Variants in SMIM35 observed in about 807,000 individuals in gnomAD.
The protein encoded by SMIM35 is TMPRSS4 antisense RNA 1 (non-protein coding).
intron 4 of SMIM35, among the ~76,000 whole-genome samples, chr11:118,008,776 A>G (rs1172445376): frequency 6.6e-6 from 1 of 152,244 alleles, no homozygotes; most frequent in Non-Finnish European, 1.5e-5. Context: ...GGCCAGAGCC[A>G]TGCAAAGTAC....
At chr11:118,076,696 T>C (rs995883309) in intron 1 of SMIM35, among the ~76,000 whole-genome samples, 5 of 152,104 alleles carry the variant, frequency 3.3e-5, no homozygotes, top group African/African-American at 4.8e-5. Flanking sequence ...CCAATCCTAT[T>C]GCTCCACACC....
intron 1 of SMIM35, among the ~76,000 whole-genome samples, chr11:118,034,502 A>T (rs11216715): frequency 0.04 from 6,040 of 152,080 alleles, 204 homozygotes; most frequent in East Asian, 0.19. Flanking sequence ...GCAGGCAGAT[A>T]GCTTGAGCTC....
At chr11:118,022,115 C>T (rs952195812) in intron 1 of SMIM35, among the ~76,000 whole-genome samples, 2 of 147,406 alleles carry the variant, frequency 1.4e-5, no homozygotes, top group Non-Finnish European at 3.0e-5. Flanking sequence ...TCTCAGCTCA[C>T]AACAACCTCC....
At chr11:118,058,958 G>A (rs1184535201) in intron 1 of SMIM35, among the ~76,000 whole-genome samples, 5 of 152,318 alleles carry the variant, frequency 3.3e-5, no homozygotes, top group South Asian at 2.1e-4. Flanking sequence ...CATCAGAAAC[G>A]TCCCCAGAGC....
intron 1 of SMIM35, among the ~76,000 whole-genome samples, chr11:118,060,645 T>C (rs1255209634): frequency 1.3e-5 from 2 of 152,068 alleles, no homozygotes; most frequent in Non-Finnish European, 2.9e-5. Flanking sequence ...CCCGGGGGTC[T>C]GGGAGAGCAA....
At chr11:118,009,626 G>A (rs915941993) in intron 4 of SMIM35, among the ~76,000 whole-genome samples, 28 of 151,294 alleles carry the variant, frequency 1.9e-4, no homozygotes, top group Non-Finnish European at 2.8e-4. Flanking sequence ...TCCTAAATTA[G>A]AAAGATATAT....
chr11:118,038,239 G>A (rs1011728660), intron 1 of SMIM35, among the ~76,000 whole-genome samples: 2 of 152,228 alleles, frequency 1.3e-5, no homozygotes, highest in African/African-American at 4.8e-5. Flanking sequence ...CCCTCTTTGT[G>A]TTGGGCAGTG....
chr11:118,043,599 A>G (rs1944040620), intron 1 of SMIM35, among the ~76,000 whole-genome samples: 5 of 152,052 alleles, frequency 3.3e-5, no homozygotes, highest in Admixed American at 1.3e-4. Context: ...ACACGAGGTC[A>G]GGATTTCAAG....
At chr11:118,067,259 T>G (rs934269650) in intron 1 of SMIM35, 5 of 152,262 alleles carry the variant, frequency 3.3e-5, no homozygotes, top group African/African-American at 1.2e-4. Flanking sequence ...GGCACGTGCC[T>G]GTAGTCACAG....
intron 1 of SMIM35, among the ~76,000 whole-genome samples, chr11:118,060,133 G>A (rs193180784): frequency 5.1e-4 from 78 of 152,200 alleles, no homozygotes; most frequent in African/African-American, 1.6e-3. Flanking sequence ...CCCAATTCCC[G>A]CGCTCTAGGG....
rs183425590 is a variant in SMIM35, at chr11:118,083,598, C to G, written c.7+3153G>C. On this transcript the variant is annotated intron_variant, in intron 1 of 4. Coordinates refer to ENST00000689828, the MANE Select transcript of SMIM35 (RefSeq NM_001394165.1). ...TACTATGTCATGAACTTCCCAAGTTCTATTTTAATATTGTTATTAATAACT... is the reference window on the plus strand; with the variant it reads ...TACTATGTCATGAACTTCCCAAGTTGTATTTTAATATTGTTATTAATAACT... Among the ~76,000 whole-genome samples, 333 of 152,250 alleles carry G rather than the reference C, an allele frequency of 2.2e-3. 1 individual carries two copies. The highest frequency in any genetic ancestry group is 7.5e-3 in the African/African-American group (311 of 41,532).
At chr11:118,053,307 A>AACACACACACACAC (rs57912361) in intron 1 of SMIM35, among the ~76,000 whole-genome samples, 5 of 142,000 alleles carry the variant, frequency 3.5e-5, no homozygotes, top group African/African-American at 8.1e-5. Context: ...GACTCTCTAA[A>AACACACACACACAC]ACACACACAC....
At chr11:118,078,639 G>C (rs1052925101) in intron 1 of SMIM35, among the ~76,000 whole-genome samples, 3 of 152,152 alleles carry the variant, frequency 2.0e-5, no homozygotes, top group Non-Finnish European at 4.4e-5. Context: ...AGCAGCTGTG[G>C]AGTCTACCTA....
chr11:118,062,585 G>A (rs190556490), intron 1 of SMIM35, among the ~76,000 whole-genome samples: 1 of 152,296 alleles, frequency 6.6e-6, no homozygotes, highest in Admixed American at 6.5e-5. Context: ...GGAGAACAGG[G>A]CATGTGGATG....
chr11:118,023,180 G>T (rs1435791065), intron 1 of SMIM35, among the ~76,000 whole-genome samples: 4 of 151,882 alleles, frequency 2.6e-5, no homozygotes. Flanking sequence ...ACAACCAACA[G>T]AGCACAGGCC....
chr11:118,068,261 C>T (rs1944514756), intron 1 of SMIM35, among the ~76,000 whole-genome samples: 1 of 152,044 alleles, frequency 6.6e-6, no homozygotes, highest in South Asian at 2.1e-4. Context: ...CCATTGCACC[C>T]CTGGTTTTCC....
At chr11:118,059,980 T>C (rs1462980405) in intron 1 of SMIM35, among the ~76,000 whole-genome samples, 1 of 152,216 alleles carries the variant, frequency 6.6e-6, no homozygotes, top group Admixed American at 6.5e-5. Context: ...TCTCATAGCC[T>C]TGAGCCTGGG....
chr11:118,030,937 C>T (rs954823742), intron 1 of SMIM35, among the ~76,000 whole-genome samples: 1 of 151,674 alleles, frequency 6.6e-6, no homozygotes. Context: ...TATCAGAGCC[C>T]AAGTAGAAGA....
intron 4 of SMIM35, among the ~76,000 whole-genome samples, chr11:118,007,184 G>A (rs950802468): frequency 2.6e-5 from 4 of 151,668 alleles, no homozygotes; most frequent in African/African-American, 9.7e-5. Context: ...GGCCAAAGAT[G>A]TCAGAGTAGC....
Sources: allele counts gnomAD v4.1 joint callset (sites outside exome capture counted in the v4.1 genomes callset), GRCh38; gene constraint gnomAD v4.1.1; transcripts MANE v1.5; gene names NCBI Gene and HGNC (gene_info 2026-07-23, HGNC 2026-07-21).